Variants in SMG5 observed in about 807,000 individuals in gnomAD.
The protein encoded by SMG5 is nonsense-mediated mRNA decay factor SMG5.
Under a neutral mutation model 122.9 loss-of-function variants are expected in SMG5, and 53 were observed. The observed-to-expected ratio is 0.43, with a 90% confidence interval of 0.35 to 0.54. SMG5 has a LOEUF of 0.54. Ranked by LOEUF, SMG5 falls within the 20% of genes least tolerant of loss-of-function variation. The pLI is 0.01. For synonymous variants in SMG5, 477 were observed against 490.2 expected (o/e 0.97, Z 0.35); for missense variants, 1,153 against 1,285.6 (o/e 0.90, Z 1.58).
rs751818558 is a variant in SMG5 at position 156,282,657 on chromosome 1, C to T, written c.24G>A (p.Gly8=). 10 of 1,607,056 alleles carry T rather than the reference C, an allele frequency of 6.2e-6. No individual in the cohort carries two copies. The Admixed American group carries it at 1.7e-4, about 27-fold the overall frequency. MSQGPPT[G]ESSEPEAKVL... is the part of the protein sequence containing the mutation. ...CTTTTGCTTCGGGCTCGCTGCTCTCCCCTGTGGGGGGGCCTTGGCTCATGG... is the reference window on the plus strand; with the variant it reads ...CTTTTGCTTCGGGCTCGCTGCTCTCTCCTGTGGGGGGGCCTTGGCTCATGG... The change falls in exon 1 of 22, where the codon GGG becomes GGA. Residue 8 remains glycine, a synonymous_variant. Transcript: ENST00000361813.
Position 156,260,008 on chromosome 1 carries a change from G to A in SMG5, c.2283+443C>T, listed in dbSNP as rs190790592. 5.9e-5 allele frequency among the ~76,000 whole-genome samples: 9 copies of A among 152,282 alleles called. No individual in the cohort carries two copies. In the East Asian group the frequency reaches 1.2e-3, roughly 20 times the overall value. ...TGACTTCCCTCTGCTGCCCCCAGATGGCCCATGTGGTGATGGAGATTTAAG... is the reference window on the plus strand; with the variant it reads ...TGACTTCCCTCTGCTGCCCCCAGATAGCCCATGTGGTGATGGAGATTTAAG... On this transcript the variant is annotated intron_variant, in intron 15 of 21. Coordinates refer to ENST00000361813, the MANE Select transcript of SMG5 (RefSeq NM_015327.3).
At chr1:156,251,219 C>T in intron 20 of SMG5, 184 bp downstream of exon 20, 1 of 911,626 alleles carries the variant, frequency 1.1e-6, no homozygotes, top group Non-Finnish European at 1.7e-6. Flanking sequence ...GACCCATCTG[C>T]AGAGGAAAAG....
chr1:156,281,777 G>C (rs1475089262), intron 1 of SMG5, among the ~76,000 whole-genome samples: 1 of 152,222 alleles, frequency 6.6e-6, no homozygotes, highest in Admixed American at 6.5e-5. Flanking sequence ...CGGAGCCCAT[G>C]TTCCAGTTGA....
intron 15 of SMG5, 53 bp downstream of exon 15, chr1:156,260,398 C>T: frequency 6.4e-7 from 1 of 1,573,908 alleles, no homozygotes; most frequent in Non-Finnish European, 8.6e-7. Context: ...AACCCATTTG[C>T]TGCTGTTTGT....
chr1:156,255,722 CA>C (rs1305792141), intron 16 of SMG5, among the ~76,000 whole-genome samples: 1 of 151,290 alleles, frequency 6.6e-6, no homozygotes, highest in Non-Finnish European at 1.5e-5. Flanking sequence ...CACATTTCTA[CA>C]AAAAAAAGTA....
chr1:156,289,154 T>TATAGAGTATAGAGTATAGAGTA, the SMG5 span, among the ~76,000 whole-genome samples: 1 of 152,168 alleles, frequency 6.6e-6, no homozygotes, highest in Non-Finnish European at 1.5e-5. Flanking sequence ...ATTAAATGAG[T>TATAGAGTATAGAGTATAGAGTA]TAATTCATGT....
upstream of SMG5, chr1:156,285,187 G>T: frequency 6.6e-7 from 1 of 1,514,542 alleles, no homozygotes; most frequent in South Asian, 1.4e-5. Context: ...CCTGCAGGAT[G>T]ACATGACCTT....
At chr1:156,282,161 C>T (rs983081543) in intron 1 of SMG5, among the ~76,000 whole-genome samples, 3 of 152,162 alleles carry the variant, frequency 2.0e-5, no homozygotes, top group African/African-American at 7.2e-5. Flanking sequence ...CAAGGTCACA[C>T]CGTGAGAGAG....
In SMG5 at chr1:156,262,488, A is replaced by G. The variant is rs1020788972; in HGVS notation, c.2031+907T>C. On this transcript the variant is annotated intron_variant, in intron 13 of 21. Coordinates refer to ENST00000361813, the MANE Select transcript of SMG5 (RefSeq NM_015327.3). ...CAGACTCCATCTCAGAAAAAAAAAA[A>G]AAAAAAAAAAGGAGAAAGCAGCGAA... 1.1e-4 allele frequency among the ~76,000 whole-genome samples: 16 copies of G among 151,590 alleles called. 1 individual carries two copies. The highest frequency in any genetic ancestry group is 2.6e-4 in the Admixed American group (4 of 15,218).
chr1:156,285,606 G>C, upstream of SMG5: 1 of 1,614,220 alleles, frequency 6.2e-7, no homozygotes, highest in Non-Finnish European at 8.5e-7. Flanking sequence ...AAAGCGGCCC[G>C]TGCCTTCGTG....
chr1:156,266,444 C>A, intron 11 of SMG5, 64 bp from the exon 12 acceptor site: 1 of 1,600,846 alleles, frequency 6.2e-7, no homozygotes, highest in South Asian at 1.1e-5. Flanking sequence ...CTGGAATGTG[C>A]TCTCCAACAC....
chr1:156,290,195 C>A, the SMG5 span: 1 of 152,098 alleles, frequency 6.6e-6, no homozygotes, highest in African/African-American at 2.4e-5. Context: ...AGTATGCTGC[C>A]ATACTTCAGA....
rs756333255 is a variant in SMG5 at position 156,278,936 on chromosome 1, T to C, written c.173A>G (p.Lys58Arg). The change falls in exon 2 of 22, where the codon AAG (lysine) becomes AGG (arginine). Residue 58 changes from lysine to arginine, a missense_variant and splice_region_variant. Lys to Arg is a conservative substitution (Grantham distance 26, BLOSUM62 2). This residue lies in a region of SMG5 where 213 missense variants were observed against 197.5 expected (regional missense o/e 1.08). Coordinates refer to ENST00000361813, the MANE Select transcript of SMG5 (RefSeq NM_015327.3). The stretch of plus-strand genomic sequence containing the variant: ...CTGTGGTTTAGAGTCTCTAGCTTAC[T>C]TGTTCCTCAGGCTAATGTTTTCTGG... ...FKPENISLRN[K>R]LRELCVKLMF... The C allele has an allele frequency of 1.5e-5, 24 of 1,613,152 alleles. No individual in the cohort carries two copies. The highest frequency in any genetic ancestry group is 6.7e-5 in the Admixed American group (4 of 60,010).
At chr1:156,264,952 G>A (rs1273811717) in intron 12 of SMG5, among the ~76,000 whole-genome samples, 1 of 151,608 alleles carries the variant, frequency 6.6e-6, no homozygotes, top group East Asian at 1.9e-4. Context: ...CTTCAACCTG[G>A]GAGGCAGAAG....
chr1:156,266,450 AAC>A, intron 11 of SMG5, 70 bp from the exon 12 acceptor site: 1 of 1,603,936 alleles, frequency 6.2e-7, no homozygotes, highest in Admixed American at 1.7e-5. Flanking sequence ...TGTGCTCTCC[AAC>A]ACCACTTCCC....
chr1:156,254,337 T>A (rs1398178101), intron 16 of SMG5, among the ~76,000 whole-genome samples: 1 of 152,228 alleles, frequency 6.6e-6, no homozygotes, highest in Non-Finnish European at 1.5e-5. Flanking sequence ...GCCTTTCCTC[T>A]GTATTATGGG....
chr1:156,261,361 C>G lies in SMG5; in HGVS notation c.2079G>C (p.Leu693Phe), dbSNP rs1661824495. The change falls in exon 14 of 22, where the codon TTG (leucine) becomes TTC (phenylalanine). Residue 693 changes from leucine to phenylalanine, a missense_variant. Leu to Phe is a conservative substitution (Grantham distance 22). Coordinates refer to ENST00000361813, the MANE Select transcript of SMG5 (RefSeq NM_015327.3). ...WNRLSVLLNL[L>F]PAAGELQESG... Reference sequence around the variant, plus strand: ...ACTCCTGGAGTTCACCAGCAGCAGGCAACAGATTCAGCAACACAGACAGGC... The same window carrying G: ...ACTCCTGGAGTTCACCAGCAGCAGGGAACAGATTCAGCAACACAGACAGGC... 1.2e-6 allele frequency: 2 copies of G among 1,614,004 alleles called. No individual in the cohort carries two copies. The highest frequency in any genetic ancestry group is 1.7e-5 in the Admixed American group (1 of 59,996).
upstream of SMG5, among the ~76,000 whole-genome samples, chr1:156,283,554 G>A (rs999248849): frequency 6.6e-6 from 1 of 152,166 alleles, no homozygotes; most frequent in African/African-American, 2.4e-5. Flanking sequence ...ATCAGGGCAG[G>A]TGGGCTTACA....
chr1:156,280,704 C>G (rs1299037706), intron 1 of SMG5, among the ~76,000 whole-genome samples: 1 of 152,104 alleles, frequency 6.6e-6, no homozygotes. Context: ...AAATAACCAC[C>G]ACTCTAGGAA....
Sources: allele counts gnomAD v4.1 joint callset (sites outside exome capture counted in the v4.1 genomes callset), GRCh38; gene constraint gnomAD v4.1.1; regional missense constraint gnomAD v4.1.1; transcripts MANE v1.5; gene names NCBI Gene and HGNC (gene_info 2026-07-23, HGNC 2026-07-21).